The following PRKN variants were observed in gnomAD, a reference collection of about 807,000 sequenced individuals.
PRKN encodes parkin RBR E3 ubiquitin protein ligase.
A neutral mutation model predicts 59.5 loss-of-function variants in PRKN; 56 were observed. That is an observed-to-expected ratio of 0.94 (90% CI 0.76 to 1.18). The LOEUF (loss-of-function observed/expected upper bound fraction) is 1.18. PRKN is among the 50% of genes most tolerant of loss of function. The pLI is 0.00. For synonymous variants in PRKN, 250 were observed against 222.1 expected, an observed-to-expected ratio of 1.13 and a Z score of -1.12; for missense variants, 657 against 596.4, an observed-to-expected ratio of 1.10 and a Z score of -1.06.
intron 9 of PRKN, among the ~76,000 whole-genome samples, chr6:161,520,776 G>C (rs576855075): frequency 1.2e-3 from 186 of 152,234 alleles, no homozygotes; most frequent in Non-Finnish European, 2.3e-3. Context: ...CTGATGAGTA[G>C]GCTTGACTTA....
At chr6:161,745,044 G>C (rs1279985181) in intron 7 of PRKN, among the ~76,000 whole-genome samples, 1 of 152,172 alleles carries the variant, frequency 6.6e-6, no homozygotes, top group African/African-American at 2.4e-5. Context: ...GTAAGCAATG[G>C]AGCAGGATTG....
intron 3 of PRKN, among the ~76,000 whole-genome samples, chr6:162,221,980 G>A (rs1373692638): frequency 1.3e-5 from 2 of 152,114 alleles, no homozygotes; most frequent in Admixed American, 6.6e-5. Flanking sequence ...CTAAGATGAC[G>A]TACCAGTTGG....
rs1318866466 is a variant in PRKN, at chr6:161,544,430, T to C, written c.1083+4424A>G. 6.6e-6 allele frequency among the ~76,000 whole-genome samples: 1 copy of C among 152,198 alleles called. No individual in the cohort carries two copies. Among genetic ancestry groups the C allele is most frequent in the African/African-American group, 2.4e-5 (1 of 41,446 alleles). On this transcript the variant is annotated intron_variant, in intron 9 of 11. Transcript: ENST00000366898. The surrounding 1 kb of genome is among the most constrained non-coding windows in gnomAD (Gnocchi z 5.5). ...GTTCTAATACTGGGATAAATGATGA[T>C]TAATATTGGAAAATAAAAGTAATAG... is the stretch of plus-strand genomic sequence containing the variant.
chr6:162,303,365 G>C (rs543065080), intron 2 of PRKN, among the ~76,000 whole-genome samples: 1 of 152,230 alleles, frequency 6.6e-6, no homozygotes, highest in Admixed American at 6.5e-5. Context: ...TTTTGTTTCA[G>C]GCAAGCCAAT....
At chr6:162,347,103 AT>A (rs1428902005) in intron 2 of PRKN, among the ~76,000 whole-genome samples, 10 of 150,128 alleles carry the variant, frequency 6.7e-5, no homozygotes, top group African/African-American at 2.4e-4. Flanking sequence ...TATATTTATT[AT>A]ATTTATTTTA....
At chr6:161,923,408 G>A (rs191979924) in intron 6 of PRKN, among the ~76,000 whole-genome samples, 10 of 152,250 alleles carry the variant, frequency 6.6e-5, no homozygotes, top group South Asian at 4.1e-4. Flanking sequence ...GCTTGAACCC[G>A]GGAGGTGGAG....
At chr6:161,671,703 G>A (rs796507853) in intron 7 of PRKN, among the ~76,000 whole-genome samples, 25 of 152,214 alleles carry the variant, frequency 1.6e-4, no homozygotes, top group African/African-American at 5.3e-4. Context: ...AAAGATTATC[G>A]TTTTGTATAT....
chr6:161,795,845 G>A (rs1790826172), intron 6 of PRKN, among the ~76,000 whole-genome samples: 2 of 152,130 alleles, frequency 1.3e-5, no homozygotes, highest in East Asian at 1.9e-4. Flanking sequence ...AGGGAAGTGG[G>A]AAAAAGATGT....
At chr6:162,689,064 C>T (rs1777670213) in intron 1 of PRKN, among the ~76,000 whole-genome samples, 1 of 152,148 alleles carries the variant, frequency 6.6e-6, no homozygotes, top group African/African-American at 2.4e-5. Context: ...CCTTTTCCCC[C>T]ACTTCTTGTA....
chr6:161,383,278 T>C (rs1583000439), intron 10 of PRKN, among the ~76,000 whole-genome samples: 1 of 152,198 alleles, frequency 6.6e-6, no homozygotes, highest in East Asian at 1.9e-4. Context: ...GTCATGAAAT[T>C]TGAAGAAATA....
At chr6:162,379,253 A>G (rs1382198530) in intron 2 of PRKN, among the ~76,000 whole-genome samples, 1 of 152,092 alleles carries the variant, frequency 6.6e-6, no homozygotes, top group Non-Finnish European at 1.5e-5. Flanking sequence ...AGCATTTACA[A>G]AGGTCTCATC....
chr6:161,602,731 A>T (rs1269269923), intron 7 of PRKN, among the ~76,000 whole-genome samples: 3 of 152,226 alleles, frequency 2.0e-5, no homozygotes. Flanking sequence ...CAACATTTAG[A>T]TCTGCATTTC....
chr6:162,152,752 T>C (rs1782325038), intron 4 of PRKN, among the ~76,000 whole-genome samples: 1 of 152,174 alleles, frequency 6.6e-6, no homozygotes, highest in African/African-American at 2.4e-5. Context: ...ATTTTAAAAA[T>C]GATATAGACT....
At chr6:162,330,571 C>A (rs1772903104) in intron 2 of PRKN, among the ~76,000 whole-genome samples, 1 of 152,156 alleles carries the variant, frequency 6.6e-6, no homozygotes, top group African/African-American at 2.4e-5. Flanking sequence ...AGCTCAGAAC[C>A]AAGTCTGCTA....
At chr6:162,136,327 T>C (rs576201357) in intron 4 of PRKN, among the ~76,000 whole-genome samples, 3 of 152,254 alleles carry the variant, frequency 2.0e-5, no homozygotes, top group Non-Finnish European at 4.4e-5. Flanking sequence ...TTTCAGCTGT[T>C]TGAATATAAC....
chr6:162,183,231 A>G (rs994617347), intron 4 of PRKN, among the ~76,000 whole-genome samples: 20 of 152,276 alleles, frequency 1.3e-4, no homozygotes, highest in African/African-American at 4.6e-4. Context: ...GATAGGGAAG[A>G]TGTAAGAGGA....
At chr6:162,466,148 CT>C (rs1791403669) in intron 1 of PRKN, among the ~76,000 whole-genome samples, 2 of 152,090 alleles carry the variant, frequency 1.3e-5, no homozygotes, top group Non-Finnish European at 2.9e-5. Flanking sequence ...CAGCTACTAC[CT>C]TTTTTGATGA....
At chr6:161,720,468 C>T (rs1787171915) in intron 7 of PRKN, among the ~76,000 whole-genome samples, 1 of 152,122 alleles carries the variant, frequency 6.6e-6, no homozygotes, top group South Asian at 2.1e-4. Flanking sequence ...TCTGGAGGCA[C>T]CGCAAACTCA....
intron 2 of PRKN, among the ~76,000 whole-genome samples, chr6:162,322,108 G>C (rs1161747462): frequency 6.6e-6 from 1 of 151,684 alleles, no homozygotes; most frequent in African/African-American, 2.4e-5. Flanking sequence ...TCTAAAAAAT[G>C]TCATTAAAAC....
Sources: allele counts gnomAD v4.1 joint callset (sites outside exome capture counted in the v4.1 genomes callset), GRCh38; gene constraint gnomAD v4.1.1; non-coding constraint Gnocchi (gnomAD v3.1); transcripts MANE v1.5; gene names NCBI Gene and HGNC (gene_info 2026-07-23, HGNC 2026-07-21).